The following RGL1 variants were observed in gnomAD, a reference collection of about 807,000 sequenced individuals.
RGL1 encodes the protein ral guanine nucleotide dissociation stimulator like 1.
RGL1 carries 24 observed loss-of-function variants against 95.2 expected under a neutral mutation model. That is an observed-to-expected ratio of 0.25 (90% CI 0.18 to 0.35). The LOEUF is 0.35. Among genes scored for constraint, RGL1 ranks in the 10% least tolerant of loss-of-function variants. The pLI, the probability that RGL1 is intolerant of heterozygous loss-of-function variation, is 1.00. For synonymous variants in RGL1, 329 were observed against 344.9 expected (o/e 0.95, Z 0.51); for missense variants, 715 against 936.3 (o/e 0.76, Z 3.08).
intron 1 of RGL1, among the ~76,000 whole-genome samples, chr1:183,650,496 TCCCA>T (rs1650658296): frequency 6.6e-6 from 1 of 152,082 alleles, no homozygotes; most frequent in African/African-American, 2.4e-5. Context: ...TGAGCCAACA[TCCCA>T]CCACTGCACT....
intron 2 of RGL1, among the ~76,000 whole-genome samples, chr1:183,836,085 T>C (rs75729675): frequency 0.069 from 10,431 of 152,276 alleles, 399 homozygotes; most frequent in South Asian, 0.1. Flanking sequence ...ATTCCTACAC[T>C]ACAGGGTTGT....
chr1:183,793,243 A>G (rs1474259197), intron 2 of RGL1, among the ~76,000 whole-genome samples: 4 of 152,186 alleles, frequency 2.6e-5, no homozygotes, highest in South Asian at 2.1e-4. Context: ...TATGCAGAAG[A>G]ATGAAACCAG....
intron 3 of RGL1, among the ~76,000 whole-genome samples, chr1:183,850,517 G>A (rs570126708): frequency 6.2e-4 from 95 of 152,210 alleles, no homozygotes; most frequent in African/African-American, 2.1e-3. Flanking sequence ...TGGATCAATG[G>A]TTATTAATAT....
rs1272287196 is a variant in RGL1 at position 183,796,782 on chromosome 1, A to G, written c.133-9593A>G. Among the ~76,000 whole-genome samples, 3 of 152,324 alleles carry G rather than the reference A, an allele frequency of 2.0e-5. No homozygotes were observed. In the East Asian group the frequency reaches 5.8e-4, roughly 29 times the overall value. On this transcript the variant is annotated intron_variant, in intron 2 of 18. Coordinates refer to the RGL1 transcript ENST00000304685. The stretch of plus-strand genomic sequence containing the variant: ...TTCCTCAATTTTGGTCAAAGCCTCC[A>G]TGGCATCAGCTCACCCAGCTCCCAT...
chr1:183,686,043 T>C (rs1653558228), intron 1 of RGL1, among the ~76,000 whole-genome samples: 1 of 152,230 alleles, frequency 6.6e-6, no homozygotes, highest in Non-Finnish European at 1.5e-5. Context: ...TAGACCAGTA[T>C]TAGTAATCCA....
At chr1:183,650,203 T>C (rs1462731060) in intron 1 of RGL1, among the ~76,000 whole-genome samples, 1 of 152,224 alleles carries the variant, frequency 6.6e-6, no homozygotes, top group Non-Finnish European at 1.5e-5. Flanking sequence ...TTTTATACCC[T>C]GCTTTTTCAC....
intron 2 of RGL1, among the ~76,000 whole-genome samples, chr1:183,796,523 A>T (rs1027442381): frequency 2.0e-5 from 3 of 152,152 alleles, no homozygotes; most frequent in South Asian, 2.1e-4. Flanking sequence ...AAATATAATT[A>T]AAAAAAGAAG....
upstream of RGL1, among the ~76,000 whole-genome samples, chr1:183,800,961 G>A (rs535680760): frequency 2.6e-5 from 4 of 152,222 alleles, no homozygotes; most frequent in South Asian, 2.1e-4. Context: ...TGCAAGTATC[G>A]CTTTCAGATC....
At chr1:183,822,605 C>T (rs1253764392) in intron 2 of RGL1, among the ~76,000 whole-genome samples, 5 of 152,192 alleles carry the variant, frequency 3.3e-5, no homozygotes, top group South Asian at 4.1e-4. Flanking sequence ...CCTTTGTAGA[C>T]GAAAAGTACT....
chr1:183,820,678 G>A (rs1662417488), intron 2 of RGL1, among the ~76,000 whole-genome samples: 9 of 152,128 alleles, frequency 5.9e-5, no homozygotes, highest in Admixed American at 5.9e-4. Flanking sequence ...TTGAAATATA[G>A]CCAGTCCTAA....
intron 14 of RGL1, among the ~76,000 whole-genome samples, chr1:183,910,674 G>A (rs1410846517): frequency 6.6e-6 from 1 of 151,982 alleles, no homozygotes; most frequent in African/African-American, 2.4e-5. Context: ...TGATTTTTGA[G>A]GATTTTCTTC....
chr1:183,744,074 A>T (rs1657473757), intron 2 of RGL1, among the ~76,000 whole-genome samples: 1 of 152,194 alleles, frequency 6.6e-6, no homozygotes, highest in Non-Finnish European at 1.5e-5. Context: ...AGAGGAGCTC[A>T]TTGCCAAGTT....
At chr1:183,670,349 A>G (rs1229694685) in intron 1 of RGL1, among the ~76,000 whole-genome samples, 2 of 152,354 alleles carry the variant, frequency 1.3e-5, no homozygotes, top group South Asian at 4.1e-4. Flanking sequence ...TCTTAAGAAC[A>G]GAATGCTCTG....
chr1:183,725,663 C>T (rs1036815711), intron 1 of RGL1, among the ~76,000 whole-genome samples: 2 of 152,004 alleles, frequency 1.3e-5, no homozygotes, highest in Non-Finnish European at 2.9e-5. Flanking sequence ...ATAACTAAAC[C>T]TCAAAATTCA....
At chr1:183,742,223 A>C in exon 2 of RGL1, 1 of 1,614,120 alleles carries the variant, frequency 6.2e-7, no homozygotes, top group South Asian at 1.1e-5. Flanking sequence ...CCACCAAGGT[A>C]GAAAGCACGG....
At chr1:183,749,639 C>T (rs372545871) in intron 2 of RGL1, among the ~76,000 whole-genome samples, 17 of 152,234 alleles carry the variant, frequency 1.1e-4, no homozygotes, top group Admixed American at 3.3e-4. Context: ...TTAGTTGATG[C>T]GGTTTCTCCA....
intron 2 of RGL1, among the ~76,000 whole-genome samples, chr1:183,780,674 A>G (rs1325273830): frequency 6.6e-6 from 1 of 152,194 alleles, no homozygotes; most frequent in Non-Finnish European, 1.5e-5. Flanking sequence ...AAGCCTCTAC[A>G]TGTGTCACAA....
At chr1:183,665,761 G>A (rs528269312) in intron 1 of RGL1, among the ~76,000 whole-genome samples, 7 of 152,106 alleles carry the variant, frequency 4.6e-5, no homozygotes, top group Admixed American at 1.3e-4. Flanking sequence ...TTAGTAATTC[G>A]TGTCCTTCTG....
In RGL1 at chr1:183,643,258, G is replaced by GTTTT. The variant is rs1553265191; in HGVS notation, c.-33+6761_-33+6764dup. 1.1e-3 allele frequency among the ~76,000 whole-genome samples: 161 copies of GTTTT among 142,976 alleles called. 1 individual carries two copies. Among genetic ancestry groups the GTTTT allele is most frequent in the Admixed American group, 2.5e-3 (35 of 14,202 alleles). The allele number at this position is 142,976 out of a possible 152,430, so 93.8% of individuals were successfully genotyped here. On this transcript the variant is annotated intron_variant, in intron 1 of 18. Coordinates refer to the RGL1 transcript ENST00000304685. ...TGTAGAACTATCTCTTTGAGGTCCT[G>GTTTT]TTTTTTTATTTATTTATTTATTTAT...
Sources: gnomAD v4.1 joint callset for allele counts (sites outside exome capture counted in the v4.1 genomes callset) on GRCh38, gnomAD v4.1.1 for gene constraint, MANE v1.5 for transcripts, NCBI Gene and HGNC (gene_info 2026-07-23, HGNC 2026-07-21) for gene names.